Variants in TKFC observed in about 807,000 individuals in gnomAD.
The protein encoded by TKFC is triokinase/FMN cyclase.
TKFC carries 46 observed loss-of-function variants against 61.0 expected under a neutral mutation model. The observed-to-expected ratio is 0.75, with a 90% confidence interval of 0.60 to 0.96. The LOEUF (loss-of-function observed/expected upper bound fraction) is 0.96. Ranked by LOEUF, TKFC falls within the 50% of genes least tolerant of loss-of-function variation. The pLI is 0.00. For synonymous variants in TKFC, 314 were observed against 330.1 expected, an observed-to-expected ratio of 0.95 and a Z score of 0.53; for missense variants, 715 against 777.5, an observed-to-expected ratio of 0.92 and a Z score of 0.96.
Position 61,342,826 on chromosome 11 carries a change from G to A in TKFC, c.847G>A (p.Ala283Thr), listed in dbSNP as rs544225337. The change falls in exon 10 of 18, where the codon GCT becomes ACT. Residue 283 changes from alanine to threonine, a missense_variant. Physicochemically the swap from Ala to Thr is moderately conservative, Grantham distance 58. Coordinates refer to ENST00000394900, the MANE Select transcript of TKFC (RefSeq NM_015533.4). ...SFLELGIIAD[A>T]TVRSLEGRGV... is the part of the protein sequence containing the mutation. The stretch of plus-strand genomic sequence containing the variant: ...CCTGGAACTGGGCATCATAGCCGAC[G>A]CTACCGTCCGCTCCCTGGGTGAGCC... The A allele has an allele frequency of 3.2e-5, 52 of 1,613,892 alleles. 1 individual carries two copies. Among genetic ancestry groups the A allele is most frequent in the Non-Finnish European group, 4.1e-5 (48 of 1,180,034 alleles).
At chr11:61,350,276 C>A, downstream of TKFC, 1 of 1,323,666 alleles carries the variant, frequency 7.6e-7, no homozygotes, top group Non-Finnish European at 1.0e-6. Context: ...GGCAAGAAGT[C>A]TGGGCCCAGC....
chr11:61,346,475 G>A lies in TKFC; in HGVS notation c.1700G>A (p.Arg567Gln), dbSNP rs772960604. 9 of 1,608,664 alleles carry A rather than the reference G, an allele frequency of 5.6e-6. No individual in the cohort carries two copies. Among genetic ancestry groups the A allele is most frequent in the South Asian group, 5.5e-5 (5 of 91,016 alleles). ...PGAVAAAAIL[R>Q]AILEVLQS is the part of the protein sequence containing the mutation. Reference sequence around the variant, plus strand: ...GCGGTGGCAGCTGCTGCCATCCTCCGGGCCATCTTGGAGGTCTTGCAGAGC... The same window carrying A: ...GCGGTGGCAGCTGCTGCCATCCTCCAGGCCATCTTGGAGGTCTTGCAGAGC... The change falls in exon 18 of 18, where the codon CGG becomes CAG. Residue 567 changes from arginine (R) to glutamine (Q), a missense_variant. Arg to Gln is a conservative substitution (Grantham distance 43). Transcript: ENST00000394900. This position sits in a 1 kb window ranked among gnomAD's most constrained non-coding sequence, Gnocchi z 4.1.
At chr11:61,345,803 A>G in intron 16 of TKFC, 54 bp from the exon 17 acceptor site, 15 of 1,614,066 alleles carry the variant, frequency 9.3e-6, no homozygotes, top group Non-Finnish European at 1.3e-5. Flanking sequence ...AAGTCTAAAG[A>G]GCACCCTCGG....
chr11:61,339,297 C>A lies in TKFC; in HGVS notation c.348C>A (p.Leu116=). 1 of 1,613,866 alleles carries A rather than the reference C, an allele frequency of 6.2e-7. No homozygotes were observed. The highest frequency in any genetic ancestry group is 8.5e-7 in the Non-Finnish European group (1 of 1,179,988). ...TGAAGAACTACACTGGGGATCGGCT[C>A]AACTTCGGCCTGGCCCGGGAGCAGG... is the stretch of plus-strand genomic sequence containing the variant. ...LIVKNYTGDR[L]NFGLAREQAR... Residue 116 remains leucine, a synonymous_variant, in exon 5 of 18, where the codon CTC becomes CTA. Coordinates refer to ENST00000394900, the MANE Select transcript of TKFC (RefSeq NM_015533.4).
At position 61,338,143 on chromosome 11, in the gene TKFC, G is replaced by A. The variant is rs1351902181; in HGVS notation, c.193+13G>A. 2 of 1,567,112 alleles carry A rather than the reference G, an allele frequency of 1.3e-6. No individual in the cohort carries two copies. Among genetic ancestry groups the A allele is most frequent in the Admixed American group, 1.9e-5 (1 of 53,956 alleles). ...CCTGCCCATGCTGGTGAGTATCCTGGGGTGGGGCAGGGGGTACTAGTGGAG... is the reference window on the plus strand; with the variant it reads ...CCTGCCCATGCTGGTGAGTATCCTGAGGTGGGGCAGGGGGTACTAGTGGAG... On this transcript the variant is annotated intron_variant, in intron 3 of 17. Transcript: ENST00000394900.
At position 61,346,477 on chromosome 11, in the gene TKFC, G is replaced by C. The variant is rs1459218208; in HGVS notation, c.1702G>C (p.Ala568Pro). 1 of 1,608,496 alleles carries C rather than the reference G, an allele frequency of 6.2e-7. No homozygotes were observed. Among genetic ancestry groups the C allele is most frequent in the African/African-American group, 1.3e-5 (1 of 74,922 alleles). ...GGTGGCAGCTGCTGCCATCCTCCGG[G>C]CCATCTTGGAGGTCTTGCAGAGCTA... ...GAVAAAAILRAILEVLQS is the reference protein window; with the variant it reads ...GAVAAAAILRPILEVLQS The change falls in exon 18 of 18, where the codon GCC becomes CCC. Residue 568 changes from alanine to proline, a missense_variant. By Grantham distance (27) the Ala-to-Pro change is conservative. Transcript: ENST00000394900. The surrounding 1 kb of genome is among the most constrained non-coding windows in gnomAD (Gnocchi z 4.1).
rs1457280176 is a variant in TKFC, at chr11:61,349,165, A to C, written c.*2662A>C. 2 of 219,560 alleles carry C rather than the reference A, an allele frequency of 9.1e-6. No individual in the cohort carries two copies. Among genetic ancestry groups the C allele is most frequent in the Non-Finnish European group, 1.9e-5 (2 of 104,862 alleles). 13.6% of individuals were successfully genotyped at this position (219,560 alleles called of 1,614,324 possible). A position where few individuals can be genotyped will look rare whatever the true frequency, so the allele number is the denominator to read the frequency against. On this transcript the variant is annotated 3_prime_UTR_variant, in exon 18 of 18. Transcript: ENST00000394900. ...GCCACAGCAGCAACACTTAGGAGCA[A>C]GACCCTTCCCGCTCTCCACCCTATT...
At chr11:61,340,901 C>T (rs1173328430) in intron 5 of TKFC, among the ~76,000 whole-genome samples, 1 of 152,168 alleles carries the variant, frequency 6.6e-6, no homozygotes, top group East Asian at 1.9e-4. Flanking sequence ...AGTGTGGACT[C>T]CATCACTGTA....
At position 61,344,223 on chromosome 11, in the gene TKFC, G is replaced by C; in HGVS notation, c.1190G>C (p.Arg397Pro). 6.2e-7 allele frequency: 1 copy of C among 1,612,834 alleles called. No homozygotes were observed. Among genetic ancestry groups the C allele is most frequent in the South Asian group, 1.1e-5 (1 of 91,030 alleles). Reference protein sequence around the residue: ...GLEEHLNALDRAAGDGDCGTT... With the variant: ...GLEEHLNALDPAAGDGDCGTT... ...GAGGAACACCTGAATGCCCTGGACC[G>C]GGCTGCTGGTGACGGCGACTGTGGC... Residue 397 changes from arginine (R) to proline (P), a missense_variant, in exon 13 of 18, where the codon CGG becomes CCG. By Grantham distance (103) the Arg-to-Pro change is moderately radical (BLOSUM62 -2). Coordinates refer to ENST00000394900, the MANE Select transcript of TKFC (RefSeq NM_015533.4).
rs1335873287 is a variant in TKFC, at chr11:61,347,368, CCT to C, written c.*866_*867del. 2.2e-5 allele frequency: 19 copies of C among 879,952 alleles called. No homozygotes were observed. The highest frequency in any genetic ancestry group is 2.6e-5 in the Non-Finnish European group (19 of 734,218). 54.5% of individuals were successfully genotyped at this position (879,952 alleles called of 1,614,324 possible). On this transcript the variant is annotated 3_prime_UTR_variant, in exon 18 of 18. Transcript: ENST00000394900. ...ACCAGTCTGGGCAACATGGTAAAAC[CCT>C]GTCTCTACCAAAAAATACAAAATTA... is the stretch of plus-strand genomic sequence containing the variant.
At position 61,334,465 on chromosome 11, in the gene TKFC, G is replaced by A. The variant is rs983072738; in HGVS notation, c.-109-155G>A. On this transcript the variant is annotated intron_variant, in intron 1 of 17. Transcript: ENST00000394900. ...GAAGTGCAGGCATGAACCTTGGTCA[G>A]CCCCACACTCTTCTCCATCCGTAGC... The A allele has an allele frequency of 7.5e-5, 37 of 495,394 alleles. No individual in the cohort carries two copies. The Middle Eastern group carries it at 2.2e-3, about 30-fold the overall frequency. The allele number at this position is 495,394 out of a possible 1,614,324, so 30.7% of individuals were successfully genotyped here.
chr11:61,350,978 C>G (rs1156912487), downstream of TKFC: 1 of 1,610,216 alleles, frequency 6.2e-7, no homozygotes, highest in Admixed American at 1.7e-5. Flanking sequence ...GAATGTGGGA[C>G]TGGAACCCAT....
In TKFC at chr11:61,346,626, A is replaced by G; in HGVS notation, c.*123A>G. ...GCCTGGCCCCATTGGCCCACCCTCT[A>G]AGTTGAGCAGGAAATCCTCCACCAA... is the stretch of plus-strand genomic sequence containing the variant. On this transcript the variant is annotated 3_prime_UTR_variant, in exon 18 of 18. Transcript: ENST00000394900. The surrounding 1 kb of genome is among the most constrained non-coding windows in gnomAD (Gnocchi z 4.1). 2.0e-6 allele frequency: 3 copies of G among 1,482,440 alleles called. No homozygotes were observed. Among genetic ancestry groups the G allele is most frequent in the Non-Finnish European group, 2.7e-6 (3 of 1,122,834 alleles). The allele number at this position is 1,482,440 out of a possible 1,614,324, so 91.8% of individuals were successfully genotyped here.
chr11:61,351,895 C>G (rs979361417), downstream of TKFC: 1 of 152,126 alleles, frequency 6.6e-6, no homozygotes, highest in African/African-American at 2.4e-5. Context: ...ACCTAGGCAA[C>G]AGAGTGAGAT....
chr11:61,346,926 A>G lies in TKFC; in HGVS notation c.*423A>G, dbSNP rs1016479707. The G allele has an allele frequency of 2.0e-6, 2 of 988,614 alleles. No individual in the cohort carries two copies. The highest frequency in any genetic ancestry group is 2.4e-6 in the Non-Finnish European group (2 of 832,110). 61.2% of individuals were successfully genotyped at this position (988,614 alleles called of 1,614,324 possible). On this transcript the variant is annotated 3_prime_UTR_variant, in exon 18 of 18. Transcript: ENST00000394900. The surrounding 1 kb of genome is among the most constrained non-coding windows in gnomAD (Gnocchi z 4.1). ...TATAATACATGGAAGCAAGAAAGAC[A>G]CTGCCTCCTCTGAGGGACCTTTTCC...
chr11:61,343,500 G>T, intron 11 of TKFC, 42 bp downstream of exon 11: 1 of 1,557,664 alleles, frequency 6.4e-7, no homozygotes, highest in Non-Finnish European at 8.9e-7. Context: ...AGGGCTCCTT[G>T]TAACTGGAAG....
At chr11:61,351,176 C>T (rs1341762466), downstream of TKFC, 12 of 1,584,032 alleles carry the variant, frequency 7.6e-6, no homozygotes, top group East Asian at 2.3e-5. Flanking sequence ...TGTGAGCCCT[C>T]GAGAGATTTT....
intron 11 of TKFC, 39 bp downstream of exon 11, chr11:61,343,497 C>T: frequency 6.3e-7 from 1 of 1,581,944 alleles, no homozygotes; most frequent in Non-Finnish European, 8.7e-7. Context: ...GCCAGGGCTC[C>T]TTGTAACTGG....
chr11:61,350,527 A>C (rs1857350509), downstream of TKFC: 2 of 1,435,270 alleles, frequency 1.4e-6, no homozygotes, highest in East Asian at 4.8e-5. Flanking sequence ...GTCCCCATCC[A>C]AGCCACCAAA....
Sources: gnomAD v4.1 joint callset for allele counts (sites outside exome capture counted in the v4.1 genomes callset) on GRCh38, gnomAD v4.1.1 for gene constraint, Gnocchi (gnomAD v3.1) non-coding constraint, MANE v1.5 for transcripts, NCBI Gene and HGNC (gene_info 2026-07-23, HGNC 2026-07-21) for gene names.